Variants in RPA3 observed in about 807,000 individuals in gnomAD.
RPA3 encodes replication protein A 14 kDa subunit.
RPA3 carries 24 observed loss-of-function variants against 13.7 expected under a neutral mutation model. The ratio of observed to expected loss-of-function variants is 1.75; its 90% CI spans 1.27 to 2.46. The LOEUF (loss-of-function observed/expected upper bound fraction) is 2.46. Ranked by LOEUF, RPA3 falls within the 30% of genes most tolerant of loss-of-function variation. The pLI is 0.00. For missense variants in RPA3, 183 were observed against 151.0 expected (o/e 1.21, Z -1.11); for synonymous variants, 59 against 51.2 (o/e 1.15, Z -0.65).
At chr7:7,704,951 A>C (rs1780561748) in intron 2 of RPA3, among the ~76,000 whole-genome samples, 1 of 152,146 alleles carries the variant, frequency 6.6e-6, no homozygotes, top group Non-Finnish European at 1.5e-5. Flanking sequence ...CTGAATGAAA[A>C]GAAGATTCTG....
At chr7:7,699,017 G>C (rs1780387485) in intron 2 of RPA3, among the ~76,000 whole-genome samples, 1 of 147,390 alleles carries the variant, frequency 6.8e-6, no homozygotes, top group Admixed American at 6.8e-5. Context: ...ATCATGCCCA[G>C]TTAATTTTTA....
chr7:7,706,591 A>G (rs76820099), intron 2 of RPA3, among the ~76,000 whole-genome samples: 207 of 152,326 alleles, frequency 1.4e-3, no homozygotes, highest in African/African-American at 4.9e-3. Flanking sequence ...TAAGTAACCC[A>G]TCCAAAGGCA....
At chr7:7,700,049 CT>C (rs1780419061) in intron 2 of RPA3, among the ~76,000 whole-genome samples, 1 of 152,174 alleles carries the variant, frequency 6.6e-6, no homozygotes, top group African/African-American at 2.4e-5. Flanking sequence ...ATAACTACTT[CT>C]GTGGAGGGTG....
chr7:7,664,864 A>T (rs544243805), intron 4 of RPA3, among the ~76,000 whole-genome samples: 2 of 152,320 alleles, frequency 1.3e-5, no homozygotes, highest in South Asian at 4.1e-4. Flanking sequence ...TGTTGTCTAA[A>T]TTTTTATATT....
intron 4 of RPA3, among the ~76,000 whole-genome samples, chr7:7,681,726 C>T (rs1421802136): frequency 6.6e-6 from 1 of 152,116 alleles, no homozygotes; most frequent in East Asian, 1.9e-4. Flanking sequence ...ATCCAGCAAG[C>T]ATGGCACTAT....
intron 2 of RPA3, among the ~76,000 whole-genome samples, chr7:7,713,061 G>C (rs139547859): frequency 1.3e-5 from 2 of 152,036 alleles, no homozygotes; most frequent in South Asian, 2.1e-4. Context: ...TTCTAGGGCC[G>C]CGCGCGGTGG....
intron 4 of RPA3, among the ~76,000 whole-genome samples, chr7:7,649,751 C>T (rs1268782145): frequency 6.6e-6 from 1 of 152,140 alleles, no homozygotes; most frequent in Non-Finnish European, 1.5e-5. Flanking sequence ...TCTCTCCCCC[C>T]ACCCAATTCA....
chr7:7,683,620 C>A (rs1779964898), intron 4 of RPA3, among the ~76,000 whole-genome samples: 1 of 151,480 alleles, frequency 6.6e-6, no homozygotes, highest in South Asian at 2.1e-4. Flanking sequence ...AATTTGTTTT[C>A]TTTTCCTTTT....
At chr7:7,641,887 A>G (rs532056087) in intron 4 of RPA3, among the ~76,000 whole-genome samples, 69 of 152,320 alleles carry the variant, frequency 4.5e-4, no homozygotes, top group Non-Finnish European at 7.8e-4. Flanking sequence ...ATTAAATGAT[A>G]GTCTCCCTTA....
chr7:7,675,722 C>T (rs896710072), intron 4 of RPA3, among the ~76,000 whole-genome samples: 3 of 152,184 alleles, frequency 2.0e-5, no homozygotes, highest in Non-Finnish European at 2.9e-5. Flanking sequence ...GTACCCAGCA[C>T]CATATGTCTA....
In RPA3 at chr7:7,640,978, C is replaced by G. The variant is rs933665907; in HGVS notation, c.-560G>C. 1.3e-5 allele frequency: 2 copies of G among 153,662 alleles called. No individual in the cohort carries two copies. Among genetic ancestry groups the G allele is most frequent in the Non-Finnish European group, 2.9e-5 (2 of 68,582 alleles). The allele number at this position is 153,662 out of a possible 1,614,324, so 9.5% of individuals were successfully genotyped here. On this transcript the variant is annotated 5_prime_UTR_variant, in exon 5 of 8. Coordinates refer to ENST00000223129, the MANE Select transcript of RPA3 (RefSeq NM_002947.5). ...CACTGCTGTCTCGCCTTCCCTCTTG[C>G]CAGTTCTGCGTGGGAGGCGCGGGAG...
At chr7:7,713,402 T>G (rs1013973971) in intron 2 of RPA3, among the ~76,000 whole-genome samples, 23 of 151,864 alleles carry the variant, frequency 1.5e-4, no homozygotes, top group Admixed American at 3.9e-4. Flanking sequence ...GACAGAGTTT[T>G]TTTTTTTTTT....
At chr7:7,673,498 C>T (rs1157587260) in intron 4 of RPA3, 2 of 683,418 alleles carry the variant, frequency 2.9e-6, no homozygotes, top group Non-Finnish European at 5.2e-6. Context: ...ATTATGTTCT[C>T]TTTAAAAAAT....
intron 4 of RPA3, among the ~76,000 whole-genome samples, chr7:7,681,738 C>G (rs996844906): frequency 6.6e-6 from 1 of 152,066 alleles, no homozygotes; most frequent in Admixed American, 6.5e-5. Flanking sequence ...TGGCACTATT[C>G]GTAATTACCA....
At chr7:7,691,710 T>G (rs1277143343) in intron 2 of RPA3, among the ~76,000 whole-genome samples, 1 of 152,258 alleles carries the variant, frequency 6.6e-6, no homozygotes, top group African/African-American at 2.4e-5. Context: ...TTTTGTTCTA[T>G]GTATTTAAAG....
At chr7:7,666,846 C>A (rs1263149794) in intron 4 of RPA3, among the ~76,000 whole-genome samples, 2 of 152,152 alleles carry the variant, frequency 1.3e-5, no homozygotes, top group Non-Finnish European at 2.9e-5. Context: ...ACTCTTGTTG[C>A]CCAGGCTGGA....
chr7:7,705,780 T>TA (rs1456267561), intron 2 of RPA3, among the ~76,000 whole-genome samples: 1 of 152,160 alleles, frequency 6.6e-6, no homozygotes, highest in Non-Finnish European at 1.5e-5. Flanking sequence ...AACCCTAATG[T>TA]AAAATATGGA....
chr7:7,700,723 A>C (rs756747312), intron 2 of RPA3, among the ~76,000 whole-genome samples: 1 of 152,132 alleles, frequency 6.6e-6, no homozygotes, highest in Admixed American at 6.5e-5. Context: ...CCCTGTCTCT[A>C]CTAAAAATAT....
At chr7:7,703,332 T>G (rs1273546874) in intron 2 of RPA3, among the ~76,000 whole-genome samples, 1 of 152,216 alleles carries the variant, frequency 6.6e-6, no homozygotes, top group Non-Finnish European at 1.5e-5. Context: ...AAATTGATCT[T>G]TTATCAAAAT....
Sources: allele counts gnomAD v4.1 joint callset (sites outside exome capture counted in the v4.1 genomes callset), GRCh38; gene constraint gnomAD v4.1.1; transcripts MANE v1.5; gene names NCBI Gene and HGNC (gene_info 2026-07-23, HGNC 2026-07-21).